The following FAM178B variants were observed in gnomAD, a reference collection of about 807,000 sequenced individuals.
FAM178B encodes the protein protein FAM178B.
FAM178B carries 82 observed loss-of-function variants against 91.7 expected under a neutral mutation model. The ratio of observed to expected loss-of-function variants is 0.89; its 90% CI spans 0.75 to 1.07. FAM178B has a LOEUF of 1.07. Ranked by LOEUF, FAM178B falls within the 50% of genes least tolerant of loss-of-function variation. The probability of loss-of-function intolerance (pLI) is 0.00; values close to 1 mark genes in which losing one functional copy is unlikely to be tolerated. For synonymous variants in FAM178B, 368 were observed against 359.4 expected, an observed-to-expected ratio of 1.02 and a Z score of -0.27; for missense variants, 769 against 846.7, an observed-to-expected ratio of 0.91 and a Z score of 1.14.
In FAM178B at chr2:96,898,126, C is replaced by T. The variant is rs898771286; in HGVS notation, c.1651-4075G>A. 6.6e-5 allele frequency: 65 copies of T among 985,378 alleles called. No homozygotes were observed. In the African/African-American group the frequency reaches 1.0e-3, roughly 15 times the overall value. 61.0% of individuals were successfully genotyped at this position (985,378 alleles called of 1,614,324 possible). On this transcript the variant is annotated intron_variant, in intron 13 of 16. Transcript: ENST00000490605. ...TGCTCCTACACCAGTCAATTCTAAA[C>T]CCCTGTGCCCCCTTTTACAGTGAAT...
chr2:96,905,812 A>ATGTG (rs142978028), intron 12 of FAM178B, among the ~76,000 whole-genome samples: 50 of 68,462 alleles, frequency 7.3e-4, no homozygotes, highest in East Asian at 4.2e-3. Flanking sequence ...ATATACATAT[A>ATGTG]TGTGTGTATA....
chr2:96,940,848 A>T (rs1256764563), intron 8 of FAM178B, among the ~76,000 whole-genome samples: 1 of 152,212 alleles, frequency 6.6e-6, no homozygotes, highest in Non-Finnish European at 1.5e-5. Context: ...GGATGAGCTA[A>T]AACAGAAATA....
At chr2:96,920,367 C>T (rs183666770) in intron 12 of FAM178B, among the ~76,000 whole-genome samples, 122 of 152,204 alleles carry the variant, frequency 8.0e-4, no homozygotes, top group African/African-American at 2.7e-3. Flanking sequence ...TTTGGGAGAC[C>T]GAGGCAGGCA....
At position 96,923,302 on chromosome 2, in the gene FAM178B, T is replaced by C. The variant is rs117527508; in HGVS notation, c.1287+188A>G. On this transcript the variant is annotated intron_variant, in intron 10 of 16. Transcript: ENST00000490605. ...TTCTTTCTTGTACAAGAACTCTCTCTTGGGGCCTAGATCAGGACCCGTGTC... is the reference window on the plus strand; with the variant it reads ...TTCTTTCTTGTACAAGAACTCTCTCCTGGGGCCTAGATCAGGACCCGTGTC... Among the ~76,000 whole-genome samples the C allele has an allele frequency of 1.9e-3, 295 of 152,324 alleles. 11 individuals carry two copies. In the East Asian group the frequency reaches 0.04, roughly 21 times the overall value.
At chr2:96,885,725 G>T (rs2080502146) in intron 14 of FAM178B, among the ~76,000 whole-genome samples, 2 of 152,178 alleles carry the variant, frequency 1.3e-5, no homozygotes, top group South Asian at 4.1e-4. Context: ...TCAGGGAGAT[G>T]ACAGGCAGGG....
chr2:96,905,862 T>TGTATA (rs1559064503), intron 12 of FAM178B, among the ~76,000 whole-genome samples: 6 of 23,516 alleles, frequency 2.6e-4, no homozygotes, highest in Non-Finnish European at 2.0e-4. Context: ...ATATATATAT[T>TGTATA]TTTTTTTTTT....
rs531076649 is a variant in FAM178B, at chr2:96,974,370, A to G, written c.74-1764T>C. ...GTACTCCAGCCTGGGCAACAGAGCA[A>G]GACTCCATCTCAAAAAAAAAAAAAA... On this transcript the variant is annotated intron_variant, in intron 1 of 16. Transcript: ENST00000490605. 3.4e-3 allele frequency among the ~76,000 whole-genome samples: 494 copies of G among 144,492 alleles called. 7 individuals carry two copies. The highest frequency in any genetic ancestry group is 0.012 in the African/African-American group (460 of 38,778). 94.8% of individuals were successfully genotyped at this position (144,492 alleles called of 152,430 possible). A position where few individuals can be genotyped will look rare whatever the true frequency, so the allele number is the denominator to read the frequency against.
intron 6 of FAM178B, among the ~76,000 whole-genome samples, chr2:96,958,593 G>C (rs576750683): frequency 6.6e-6 from 1 of 151,416 alleles, no homozygotes; most frequent in African/African-American, 2.4e-5. Flanking sequence ...AGCAGGCTGA[G>C]GTGGGAGAAT....
chr2:96,936,025 C>T (rs544176812), intron 8 of FAM178B, among the ~76,000 whole-genome samples: 112 of 152,058 alleles, frequency 7.4e-4, no homozygotes, highest in South Asian at 2.3e-3. Context: ...AACAAATATA[C>T]ACACTAACAT....
At chr2:96,914,386 G>T (rs2081208460) in intron 12 of FAM178B, among the ~76,000 whole-genome samples, 1 of 152,192 alleles carries the variant, frequency 6.6e-6, no homozygotes, top group African/African-American at 2.4e-5. Context: ...AGTGCCCAGT[G>T]CACCGCAGGG....
chr2:96,980,049 G>A (rs549807315), intron 1 of FAM178B, among the ~76,000 whole-genome samples: 3 of 152,084 alleles, frequency 2.0e-5, no homozygotes, highest in East Asian at 3.9e-4. Flanking sequence ...TCTAGTCAGC[G>A]TGTAATGGTG....
chr2:96,985,461 C>T (rs1043905488), intron 1 of FAM178B, among the ~76,000 whole-genome samples: 1 of 152,228 alleles, frequency 6.6e-6, no homozygotes, highest in African/African-American at 2.4e-5. Flanking sequence ...CCCCGCTTCC[C>T]TCATCCTCCC....
At chr2:96,944,438 T>A (rs1164859013) in intron 8 of FAM178B, among the ~76,000 whole-genome samples, 3 of 152,130 alleles carry the variant, frequency 2.0e-5, no homozygotes, top group Non-Finnish European at 4.4e-5. Context: ...AAAACTGTTC[T>A]GATAAAAAGA....
intron 13 of FAM178B, chr2:96,898,136 C>T: frequency 1.0e-6 from 1 of 985,128 alleles, no homozygotes; most frequent in Non-Finnish European, 1.2e-6. Context: ...CCCCTGTGCC[C>T]CCTTTTACAG....
chr2:96,974,527 G>A (rs2082264823), intron 1 of FAM178B, among the ~76,000 whole-genome samples: 1 of 151,798 alleles, frequency 6.6e-6, no homozygotes, highest in Admixed American at 6.6e-5. Flanking sequence ...TTCCTTATCA[G>A]TAATTAGTTC....
At chr2:96,894,121 C>G in intron 13 of FAM178B, 70 bp from the exon 14 acceptor site, 5 of 1,528,264 alleles carry the variant, frequency 3.3e-6, no homozygotes, top group South Asian at 1.2e-5. Context: ...TCCCGGGAAT[C>G]GGCCTGGACA....
At chr2:96,974,381 C>CAAAAAAA (rs1171601429) in intron 1 of FAM178B, among the ~76,000 whole-genome samples, 6 of 16,230 alleles carry the variant, frequency 3.7e-4, no homozygotes, top group East Asian at 1.7e-3. Flanking sequence ...GACTCCATCT[C>CAAAAAAA]AAAAAAAAAA....
intron 1 of FAM178B, among the ~76,000 whole-genome samples, chr2:96,977,384 C>CAAA (rs754852439): frequency 2.9e-4 from 7 of 24,464 alleles, no homozygotes; most frequent in African/African-American, 6.1e-4. Flanking sequence ...GACTCCGTCT[C>CAAA]AAAAAAAAAA....
intron 14 of FAM178B, among the ~76,000 whole-genome samples, chr2:96,890,667 A>T (rs1237839167): frequency 6.6e-6 from 1 of 152,172 alleles, no homozygotes; most frequent in Non-Finnish European, 1.5e-5. Context: ...CAAGTTATGC[A>T]ATGTTTTTCT....
Sources: gnomAD v4.1 joint callset for allele counts (sites outside exome capture counted in the v4.1 genomes callset) on GRCh38, gnomAD v4.1.1 for gene constraint, MANE v1.5 for transcripts, NCBI Gene and HGNC (gene_info 2026-07-23, HGNC 2026-07-21) for gene names.